The following HUWE1 variants were observed in gnomAD, a reference collection of about 807,000 sequenced individuals.
The protein encoded by HUWE1 is E3 ubiquitin-protein ligase HUWE1.
A neutral mutation model predicts 299.4 loss-of-function variants in HUWE1; 18 were observed. The observed-to-expected ratio is 0.06, with a 90% CI of 0.04 to 0.09. The LOEUF (loss-of-function observed/expected upper bound fraction) is 0.09. Among genes scored for constraint, HUWE1 ranks in the 10% least tolerant of loss-of-function variants. The pLI is 1.00. For synonymous variants in HUWE1, 1,317 were observed against 1,286.1 expected (o/e 1.02, Z -0.51); for missense variants, 1,832 against 3,462.3 (o/e 0.53, Z 11.82).
Position 53,549,136 on chromosome X carries a change from G to C in HUWE1, c.9858C>G (p.Leu3286=), listed in dbSNP as rs781980925. The part of the protein sequence containing the change: ...ESKSSNQLSW[L]SVSMDAALGC... ...CTAGGGCTGCATCCATGGATACTGA[G>C]AGCCAGGAAAGCTGGTTGGAGCTCT... The change falls in exon 67 of 84, where the codon CTC becomes CTG. Residue 3286 remains leucine (L), a synonymous_variant. Coordinates refer to ENST00000262854, the MANE Select transcript of HUWE1 (RefSeq NM_031407.7). 9 of 1,210,781 alleles carry C rather than the reference G, an allele frequency of 7.4e-6. No individual in the cohort carries two copies. Among genetic ancestry groups the C allele is most frequent in the Non-Finnish European group, 1.0e-5 (9 of 895,359 alleles).
At chrX:53,613,849 G>A (rs782107840) in intron 23 of HUWE1, among the ~76,000 whole-genome samples, 6 of 111,950 alleles carry the variant, frequency 5.4e-5, no homozygotes, top group Admixed American at 3.8e-4. Context: ...ACACGTGCCT[G>A]AAAAAAATCA....
chrX:53,607,618 G>C lies in HUWE1; in HGVS notation c.2401C>G (p.Pro801Ala). 1 of 1,207,022 alleles carries C rather than the reference G, an allele frequency of 8.3e-7. No homozygotes were observed. Among genetic ancestry groups the C allele is most frequent in the Non-Finnish European group, 1.1e-6 (1 of 891,111 alleles). ...QEFVNQKGLL[P>A]LVTILGLPNL... ...GGAAGACCCAAAATGGTAACCAAAG[G>C]CAACAGTCCTTTCTGATTCACAAAT... The change falls in exon 25 of 84, where the codon CCT (proline) becomes GCT (alanine). Residue 801 changes from proline to alanine, a missense_variant. By Grantham distance (27) the Pro-to-Ala change is conservative. Around this residue, in one of 15 missense-constraint regions of HUWE1, gnomAD observed 658 missense variants for 1,282.6 expected, o/e 0.51. Coordinates refer to ENST00000262854, the MANE Select transcript of HUWE1 (RefSeq NM_031407.7).
chrX:53,629,364 A>G, intron 13 of HUWE1, 152 bp downstream of exon 13: 1 of 475,867 alleles, frequency 2.1e-6, no homozygotes, highest in South Asian at 3.0e-5. Context: ...CGAAACATCA[A>G]TGAATTTCGT....
chrX:53,534,951 T>C (rs1164259702), intron 81 of HUWE1, among the ~76,000 whole-genome samples: 1 of 109,040 alleles, frequency 9.2e-6, no homozygotes, highest in Non-Finnish European at 1.9e-5. Context: ...TGTTTTTTTT[T>C]TTTGAGATGG....
Position 53,653,995 on chromosome X carries a change from C to G in HUWE1, c.45+68G>C, listed in dbSNP as rs943188879. 3.9e-6 allele frequency: 3 copies of G among 761,014 alleles called. No individual in the cohort carries two copies. The African/African-American group carries it at 6.3e-5, about 16-fold the overall frequency. 62.7% of individuals were successfully genotyped at this position (761,014 alleles called of 1,213,427 possible). A position where few individuals can be genotyped will look rare whatever the true frequency, so the allele number is the denominator to read the frequency against. On this transcript the variant is annotated intron_variant, in intron 4 of 83. Transcript: ENST00000262854. ...ATGAGATTTGAAGAGCATGGATGAA[C>G]TGTTCACAAATATTTTTTTATTTTT...
rs1557019241 is a variant in HUWE1 at position 53,627,770 on chromosome X, C to G, written c.1352G>C (p.Ser451Thr). The stretch of plus-strand genomic sequence containing the variant: ...TCTATAAATGAAGATAGAAAGTCCA[C>G]TATGGGATTGAAAAGCTGCCATATC... ...NLDMAAFQSH[S>T]GLSIFIYRLE... The change falls in exon 16 of 84, where the codon AGT (serine) becomes ACT (threonine). Residue 451 changes from serine (S) to threonine (T), a missense_variant. Coordinates refer to ENST00000262854, the MANE Select transcript of HUWE1 (RefSeq NM_031407.7). 8.3e-7 allele frequency: 1 copy of G among 1,202,764 alleles called. No individual in the cohort carries two copies. The highest frequency in any genetic ancestry group is 3.0e-5 in the East Asian group (1 of 33,802).
intron 44 of HUWE1, 115 bp from the exon 45 acceptor site, chrX:53,575,903 T>C (rs782023618): frequency 4.0e-6 from 3 of 751,470 alleles, no homozygotes; most frequent in African/African-American, 4.2e-5. Flanking sequence ...TATGACTGTT[T>C]ACATGGTGCT....
chrX:53,633,002 A>G (rs1241279906), intron 8 of HUWE1, among the ~76,000 whole-genome samples: 1 of 112,753 alleles, frequency 8.9e-6, no homozygotes. Flanking sequence ...ACCTATCATC[A>G]GCCTTCTGAA....
At chrX:53,566,121 G>A (rs868995203) in intron 49 of HUWE1, among the ~76,000 whole-genome samples, 9 of 37,005 alleles carry the variant, frequency 2.4e-4, no homozygotes, top group African/African-American at 6.8e-4. Context: ...GTATGTATGT[G>A]TGTGTGTGTG....
intron 3 of HUWE1, among the ~76,000 whole-genome samples, chrX:53,672,264 CTTT>C (rs374683676): frequency 5.2e-5 from 5 of 96,748 alleles, no homozygotes; most frequent in South Asian, 4.5e-4. Flanking sequence ...GATGTCCTTA[CTTT>C]TTTTTTTTTT....
At chrX:53,542,845 T>TTGTGTGTGTGTGTGTGTGTG (rs57187405) in intron 73 of HUWE1, 9 of 164,035 alleles carry the variant, frequency 5.5e-5, no homozygotes, top group Non-Finnish European at 9.0e-5. Context: ...TCTTCTTCTG[T>TTGTGTGTGTGTGTGTGTGTG]TGTGTGTGTG....
At chrX:53,557,298 C>A in intron 60 of HUWE1, 84 bp downstream of exon 60, 1 of 838,797 alleles carries the variant, frequency 1.2e-6, no homozygotes, top group African/African-American at 2.0e-5. Flanking sequence ...CATCTTCAGC[C>A]TATGTGGGCC....
chrX:53,569,516 T>C (rs1556948788), intron 48 of HUWE1, 100 bp downstream of exon 48: 2 of 763,704 alleles, frequency 2.6e-6, no homozygotes, highest in Admixed American at 2.3e-5. Flanking sequence ...GATGCCAGTA[T>C]GACAAGAAGT....
chrX:53,577,120 T>C (rs1413697111), intron 43 of HUWE1, 53 bp from the exon 44 acceptor site: 1 of 945,622 alleles, frequency 1.1e-6, no homozygotes, highest in African/African-American at 1.9e-5. Context: ...GTACCTAAAC[T>C]AGGTTACTAA....
Position 53,616,080 on chromosome X carries a change from A to AT in HUWE1, c.1958-246dup, listed in dbSNP as rs199575386. 0.029 allele frequency among the ~76,000 whole-genome samples: 3,133 copies of AT among 106,930 alleles called. 52 individuals carry two copies. Among genetic ancestry groups the AT allele is most frequent in the Non-Finnish European group, 0.043 (2,214 of 51,388 alleles). The allele number at this position is 106,930 out of a possible 115,157, so 92.9% of individuals were successfully genotyped here. A position where few individuals can be genotyped will look rare whatever the true frequency, so the allele number is the denominator to read the frequency against. ...GGTGTGCGCCTCCGTGACTGGAGAA[A>AT]TTTTTTTTTTGGTAGAGATGGGGTT... On this transcript the variant is annotated intron_variant, in intron 21 of 83. Transcript: ENST00000262854.
chrX:53,681,177 T>C (rs1234911176), intron 2 of HUWE1, among the ~76,000 whole-genome samples: 1 of 111,293 alleles, frequency 9.0e-6, no homozygotes, highest in Non-Finnish European at 1.9e-5. Context: ...TAAGGAAGCC[T>C]GTAATCTCAG....
Position 53,584,328 on chromosome X carries a change from C to T in HUWE1, c.5019G>A (p.Gly1673=). 8.3e-7 allele frequency: 1 copy of T among 1,208,008 alleles called. No individual in the cohort carries two copies. Among genetic ancestry groups the T allele is most frequent in the Non-Finnish European group, 1.1e-6 (1 of 892,519 alleles). Reference sequence around the variant, plus strand: ...GAGTCAGCATCACAGGGCGTCGGTTCCCTGTTTCCTCATTAACCTAGGAAT... The same window carrying T: ...GAGTCAGCATCACAGGGCGTCGGTTTCCTGTTTCCTCATTAACCTAGGAAT... ...TTMVQVNEET[G]NRRPVMLTLL... The change falls in exon 41 of 84, where the codon GGG becomes GGA. Residue 1673 remains glycine (G), a synonymous_variant. Coordinates refer to ENST00000262854, the MANE Select transcript of HUWE1 (RefSeq NM_031407.7).
chrX:53,593,060 T>C (rs1253933910), intron 32 of HUWE1, among the ~76,000 whole-genome samples: 2 of 112,324 alleles, frequency 1.8e-5, no homozygotes, highest in Non-Finnish European at 3.8e-5. Flanking sequence ...GCACCATGCT[T>C]CCAAAGCTTG....
intron 4 of HUWE1, among the ~76,000 whole-genome samples, chrX:53,650,191 T>C (rs1234833491): frequency 4.5e-5 from 5 of 112,341 alleles, no homozygotes; most frequent in Non-Finnish European, 7.5e-5. Flanking sequence ...ATCCAGTAAA[T>C]AGGTCAAAAT....
Sources: gnomAD v4.1 joint callset for allele counts (sites outside exome capture counted in the v4.1 genomes callset) on GRCh38, gnomAD v4.1.1 for gene constraint, gnomAD v4.1.1 regional missense constraint, MANE v1.5 for transcripts, NCBI Gene and HGNC (gene_info 2026-07-23, HGNC 2026-07-21) for gene names.